PALLD: variants seen among roughly 807,000 people sequenced by gnomAD.
The protein encoded by PALLD is palladin.
Under a neutral mutation model 123.5 loss-of-function variants are expected in PALLD, and 61 were observed. The observed-to-expected ratio is 0.49, with a 90% confidence interval of 0.40 to 0.61. The LOEUF (loss-of-function observed/expected upper bound fraction) is 0.61, where lower values mean the gene tolerates loss of function less well. Ranked by LOEUF, PALLD falls within the 20% of genes least tolerant of loss-of-function variation. The pLI is 0.00. For missense variants in PALLD, 1,273 were observed against 1,377.0 expected, an observed-to-expected ratio of 0.92 and a Z score of 1.20; for synonymous variants, 465 against 496.4, an observed-to-expected ratio of 0.94 and a Z score of 0.84.
intron 17 of PALLD, 63 bp from the exon 18 acceptor site, chr4:168,921,471 A>C: frequency 9.4e-7 from 1 of 1,061,308 alleles, no homozygotes; most frequent in Non-Finnish European, 1.4e-6. Context: ...CAGACTTCTT[A>C]GCTACCAGTG....
rs148027880 is a variant in PALLD, at chr4:168,641,187, G to A, written c.909-27003G>A. ...TGCACCACGGCACTCCAGCCTGGGCGACAGAGCGAGACTCCATCTCAAAAA... is the reference window on the plus strand; with the variant it reads ...TGCACCACGGCACTCCAGCCTGGGCAACAGAGCGAGACTCCATCTCAAAAA... On this transcript the variant is annotated intron_variant, in intron 2 of 21. Coordinates refer to ENST00000505667, the MANE Select transcript of PALLD (RefSeq NM_001166108.2). 7.5e-5 allele frequency among the ~76,000 whole-genome samples: 11 copies of A among 147,172 alleles called. No homozygotes were observed. In the East Asian group the frequency reaches 1.6e-3, roughly 21 times the overall value.
At chr4:168,559,287 C>T (rs1267742898) in intron 2 of PALLD, among the ~76,000 whole-genome samples, 1 of 152,084 alleles carries the variant, frequency 6.6e-6, no homozygotes, top group Non-Finnish European at 1.5e-5. Context: ...CAGCCAACGC[C>T]ACAGCAAGAC....
intron 2 of PALLD, among the ~76,000 whole-genome samples, chr4:168,607,374 G>A (rs369950938): frequency 1.2e-4 from 18 of 152,146 alleles, no homozygotes; most frequent in African/African-American, 3.6e-4. Flanking sequence ...CACAGTGACC[G>A]GAGGTGTAAC....
intron 2 of PALLD, among the ~76,000 whole-genome samples, chr4:168,596,677 T>C (rs985634561): frequency 3.4e-5 from 5 of 148,980 alleles, no homozygotes; most frequent in African/African-American, 1.0e-4. Context: ...TTGGGTCCTA[T>C]AGATTTCCTC....
chr4:168,625,649 A>C (rs1775195528), intron 2 of PALLD, among the ~76,000 whole-genome samples: 1 of 151,898 alleles, frequency 6.6e-6, no homozygotes, highest in Non-Finnish European at 1.5e-5. Flanking sequence ...CATGGCCAAC[A>C]AGCATATGGA....
intron 2 of PALLD, among the ~76,000 whole-genome samples, chr4:168,659,188 T>C (rs1041096381): frequency 2.6e-5 from 4 of 152,252 alleles, no homozygotes; most frequent in Admixed American, 1.3e-4. Flanking sequence ...ACAAAACTTA[T>C]CTTGGGCATC....
chr4:168,750,468 G>A lies in PALLD; in HGVS notation c.1964+38545G>A, dbSNP rs115563996. On this transcript the variant is annotated intron_variant, in intron 10 of 21. Coordinates refer to ENST00000505667, the MANE Select transcript of PALLD (RefSeq NM_001166108.2). ...AGTCACAGGTTCTGTCTACACTGAA[G>A]GCCAGGGGATTCTACAAAGGTTTGA... Among the ~76,000 whole-genome samples, 135 of 152,254 alleles carry A rather than the reference G, an allele frequency of 8.9e-4. 2 individuals are homozygous for A. Among genetic ancestry groups the A allele is most frequent in the African/African-American group, 3.2e-3 (131 of 41,554 alleles).
rs1468376746 is a variant in PALLD at position 168,926,399 on chromosome 4, T to G, written c.*219T>G. On this transcript the variant is annotated 3_prime_UTR_variant, in exon 22 of 22. Coordinates refer to ENST00000505667, the MANE Select transcript of PALLD (RefSeq NM_001166108.2). ...GAGGACCTGTAATCCAGCATTCTTGTTAAAGCTGAAACACTGAAACAGCCA... is the reference window on the plus strand; with the variant it reads ...GAGGACCTGTAATCCAGCATTCTTGGTAAAGCTGAAACACTGAAACAGCCA... 1 of 1,532,770 alleles carries G rather than the reference T, an allele frequency of 6.5e-7. No individual in the cohort carries two copies. The highest frequency in any genetic ancestry group is 8.8e-7 in the Non-Finnish European group (1 of 1,142,830). The allele number at this position is 1,532,770 out of a possible 1,614,324, so 94.9% of individuals were successfully genotyped here.
chr4:168,704,619 G>A (rs1320908742), intron 8 of PALLD, among the ~76,000 whole-genome samples: 2 of 143,064 alleles, frequency 1.4e-5, no homozygotes, highest in Admixed American at 7.4e-5. Flanking sequence ...AGCCGAGATT[G>A]CGCCACTGCA....
At chr4:168,611,674 T>C (rs939684193) in intron 2 of PALLD, among the ~76,000 whole-genome samples, 1 of 152,232 alleles carries the variant, frequency 6.6e-6, no homozygotes, top group African/African-American at 2.4e-5. Context: ...TTGTCTGTTT[T>C]GAAGTTTTGC....
chr4:168,824,541 A>G (rs1032907311), intron 10 of PALLD, among the ~76,000 whole-genome samples: 2 of 152,184 alleles, frequency 1.3e-5, no homozygotes, highest in African/African-American at 4.8e-5. Context: ...AAAATCATTG[A>G]ACTTTTTCTA....
intron 10 of PALLD, among the ~76,000 whole-genome samples, chr4:168,792,469 C>G (rs1308981234): frequency 2.0e-5 from 3 of 152,114 alleles, no homozygotes; most frequent in African/African-American, 7.2e-5. Flanking sequence ...CTCTATGACT[C>G]TTCTACTTCC....
chr4:168,832,397 T>C (rs1413075071), intron 10 of PALLD, among the ~76,000 whole-genome samples: 1 of 151,340 alleles, frequency 6.6e-6, no homozygotes, highest in Non-Finnish European at 1.5e-5. Context: ...GAGCTCCAGA[T>C]AGGAATGTCT....
intron 7 of PALLD, 97 bp from the exon 8 acceptor site, chr4:168,691,172 G>C (rs1472865431): frequency 1.2e-6 from 1 of 834,786 alleles, no homozygotes; most frequent in African/African-American, 1.7e-5. Context: ...ACATGTCCTA[G>C]ACAAGGTAAT....
Position 168,926,779 on chromosome 4 carries a change from C to CACAA in PALLD, c.*603_*606dup, listed in dbSNP as rs1168037246. The CACAA allele has an allele frequency of 7.4e-5, 18 of 242,942 alleles. No individual in the cohort carries two copies. The highest frequency in any genetic ancestry group is 4.3e-4 in the East Asian group (7 of 16,174). The allele number at this position is 242,942 out of a possible 1,614,324, so 15.0% of individuals were successfully genotyped here. On this transcript the variant is annotated 3_prime_UTR_variant, in exon 22 of 22. Coordinates refer to ENST00000505667, the MANE Select transcript of PALLD (RefSeq NM_001166108.2). ...GAAATGTTTAATGAGGGAGTTGTAC[C>CACAA]ACAAACAGTACTACAATGATTCTGA...
At chr4:168,711,223 G>A (rs747263159) in intron 9 of PALLD, among the ~76,000 whole-genome samples, 4 of 152,162 alleles carry the variant, frequency 2.6e-5, no homozygotes, top group African/African-American at 7.2e-5. Context: ...ATGTTCAGTC[G>A]GACCCATGGA....
chr4:168,884,651 G>A (rs1309153797), intron 10 of PALLD, among the ~76,000 whole-genome samples: 1 of 152,082 alleles, frequency 6.6e-6, no homozygotes, highest in Non-Finnish European at 1.5e-5. Context: ...TTGTGACCTA[G>A]TTCAACATTG....
At chr4:168,665,433 A>G (rs1041634220) in intron 2 of PALLD, among the ~76,000 whole-genome samples, 2 of 152,182 alleles carry the variant, frequency 1.3e-5, no homozygotes, top group Non-Finnish European at 2.9e-5. Context: ...GGTACAATAT[A>G]CATTTTTAAA....
intron 10 of PALLD, among the ~76,000 whole-genome samples, chr4:168,874,280 G>GT (rs1251827484): frequency 6.6e-6 from 1 of 152,120 alleles, no homozygotes; most frequent in East Asian, 1.9e-4. Flanking sequence ...TTTTAGTGTG[G>GT]TTAACTTTTT....
Sources: allele counts gnomAD v4.1 joint callset (sites outside exome capture counted in the v4.1 genomes callset), GRCh38; gene constraint gnomAD v4.1.1; transcripts MANE v1.5; gene names NCBI Gene and HGNC (gene_info 2026-07-23, HGNC 2026-07-21).